Variants in MEGF11 observed in about 807,000 individuals in gnomAD.
MEGF11 encodes multiple epidermal growth factor-like domains protein 11.
In MEGF11, 126 loss-of-function variants were observed where a neutral mutation model predicts 146.6. The observed-to-expected ratio is 0.86, with a 90% CI of 0.74 to 1.00. MEGF11 has a LOEUF of 1.00. MEGF11 is among the 50% of genes least tolerant of loss of function. The pLI, the probability that MEGF11 is intolerant of heterozygous loss-of-function variation, is 0.00. For missense variants in MEGF11, 1,509 were observed against 1,521.2 expected (o/e 0.99, Z 0.13); for synonymous variants, 532 against 583.4 (o/e 0.91, Z 1.27).
At chr15:66,243,452 A>G (rs1358229028) in intron 1 of MEGF11, among the ~76,000 whole-genome samples, 1 of 152,170 alleles carries the variant, frequency 6.6e-6, no homozygotes, top group African/African-American at 2.4e-5. Context: ...CTCTCCATCC[A>G]TTTGGTAACT....
intron 4 of MEGF11, among the ~76,000 whole-genome samples, chr15:66,111,321 C>G (rs1210997861): frequency 1.3e-5 from 2 of 152,210 alleles, no homozygotes; most frequent in African/African-American, 4.8e-5. Context: ...AGCCCCCATT[C>G]CACTTCTCTC....
chr15:66,212,351 C>T (rs1019050177), intron 1 of MEGF11, among the ~76,000 whole-genome samples: 3 of 152,194 alleles, frequency 2.0e-5, no homozygotes, highest in East Asian at 1.9e-4. Context: ...ATCATCTCTC[C>T]GCCCTCTGGA....
chr15:66,107,592 A>C (rs942172483), intron 4 of MEGF11, among the ~76,000 whole-genome samples: 2 of 152,158 alleles, frequency 1.3e-5, no homozygotes, highest in Admixed American at 1.3e-4. Flanking sequence ...GACTCTTCAC[A>C]CACATGGGAC....
At position 66,001,661 on chromosome 15, in the gene MEGF11, T is replaced by C. The variant is rs534896005; in HGVS notation, c.395-19173A>G. Among the ~76,000 whole-genome samples, 5 of 151,880 alleles carry C rather than the reference T, an allele frequency of 3.3e-5. No homozygotes were observed. In the South Asian group the frequency reaches 8.4e-4, roughly 25 times the overall value. On this transcript the variant is annotated intron_variant, in intron 5 of 25. Coordinates refer to ENST00000395614, the MANE Select transcript of MEGF11 (RefSeq NM_001385028.1). ...CTTTCTTTCTCTCTCATCTCCCCTCTCAATGGCTGGGTCCTGAAGAGGTGG... is the reference window on the plus strand; with the variant it reads ...CTTTCTTTCTCTCTCATCTCCCCTCCCAATGGCTGGGTCCTGAAGAGGTGG...
chr15:66,196,821 G>GA (rs906627044), intron 1 of MEGF11, among the ~76,000 whole-genome samples: 2 of 152,292 alleles, frequency 1.3e-5, no homozygotes, highest in Admixed American at 1.3e-4. Context: ...AAAGAAACAT[G>GA]ACTGGTCAAA....
chr15:66,232,758 C>T (rs1221658391), intron 1 of MEGF11, among the ~76,000 whole-genome samples: 2 of 152,100 alleles, frequency 1.3e-5, no homozygotes, highest in African/African-American at 4.8e-5. Context: ...GGAGTTTTAT[C>T]GAGGCCTACC....
intron 5 of MEGF11, among the ~76,000 whole-genome samples, chr15:66,054,688 T>G (rs544154705): frequency 3.9e-4 from 59 of 152,278 alleles, no homozygotes; most frequent in Middle Eastern, 3.4e-3. Flanking sequence ...GATAATGGAA[T>G]TAGGGCCTTA....
chr15:66,041,215 C>T (rs1350467643), intron 5 of MEGF11, among the ~76,000 whole-genome samples: 7 of 152,152 alleles, frequency 4.6e-5, no homozygotes, highest in Admixed American at 2.6e-4. Context: ...GCTCTGGGCA[C>T]GGAACAGGTC....
intron 13 of MEGF11, among the ~76,000 whole-genome samples, chr15:65,927,737 G>A (rs1309231962): frequency 1.3e-5 from 2 of 152,214 alleles, no homozygotes; most frequent in Non-Finnish European, 2.9e-5. Flanking sequence ...TCCTGAAGAA[G>A]TAGACTGCAG....
intron 4 of MEGF11, among the ~76,000 whole-genome samples, chr15:66,109,750 G>A (rs951133606): frequency 7.2e-5 from 11 of 152,206 alleles, no homozygotes; most frequent in African/African-American, 2.7e-4. Context: ...TCACCTCCCT[G>A]AAGGGGTCTT....
chr15:65,955,777 T>TAGATAG, intron 10 of MEGF11, among the ~76,000 whole-genome samples: 1 of 10,496 alleles, frequency 9.5e-5, no homozygotes, highest in South Asian at 8.3e-3. Context: ...TATATATATA[T>TAGATAG]ATATATATAT....
chr15:66,223,122 G>A (rs908635935), intron 1 of MEGF11, among the ~76,000 whole-genome samples: 7 of 152,258 alleles, frequency 4.6e-5, no homozygotes, highest in African/African-American at 1.4e-4. Context: ...TAAATAAAAC[G>A]TGCTATATTC....
At chr15:66,161,241 G>A (rs1362822632) in intron 1 of MEGF11, among the ~76,000 whole-genome samples, 6 of 152,186 alleles carry the variant, frequency 3.9e-5, no homozygotes, top group East Asian at 1.9e-4. Flanking sequence ...ACATAATAGC[G>A]ATGAATGTAA....
chr15:66,035,997 A>G (rs1222816209), intron 5 of MEGF11, among the ~76,000 whole-genome samples: 1 of 152,210 alleles, frequency 6.6e-6, no homozygotes, highest in Non-Finnish European at 1.5e-5. Context: ...GCACCCCGCC[A>G]GTGGCCCCAC....
intron 22 of MEGF11, 77 bp downstream of exon 22, chr15:65,909,663 A>T: frequency 7.1e-7 from 1 of 1,412,504 alleles, no homozygotes; most frequent in Admixed American, 2.0e-5. Flanking sequence ...CTGTCCCTTC[A>T]AGCTGGGTGC....
intron 1 of MEGF11, among the ~76,000 whole-genome samples, chr15:66,245,157 G>A (rs141197399): frequency 4.0e-4 from 61 of 152,284 alleles, no homozygotes; most frequent in Non-Finnish European, 6.2e-4. Context: ...TAAACACAGG[G>A]AAAGACAGAA....
intron 1 of MEGF11, among the ~76,000 whole-genome samples, chr15:66,129,352 G>A (rs1454253573): frequency 6.6e-6 from 1 of 152,242 alleles, no homozygotes; most frequent in African/African-American, 2.4e-5. Context: ...GTGCAGAGGA[G>A]CTGGAAATCA....
At chr15:66,093,292 G>A (rs2086397532) in intron 5 of MEGF11, among the ~76,000 whole-genome samples, 1 of 152,130 alleles carries the variant, frequency 6.6e-6, no homozygotes, top group African/African-American at 2.4e-5. Context: ...CAAGGCCTTT[G>A]GGAAAACAAA....
chr15:66,225,328 C>T (rs1567290609), intron 1 of MEGF11, among the ~76,000 whole-genome samples: 1 of 152,196 alleles, frequency 6.6e-6, no homozygotes, highest in Non-Finnish European at 1.5e-5. Flanking sequence ...ACCCACACTC[C>T]ATTTTGCCTA....
Sources: gnomAD v4.1 joint callset for allele counts (sites outside exome capture counted in the v4.1 genomes callset) on GRCh38, gnomAD v4.1.1 for gene constraint, MANE v1.5 for transcripts, NCBI Gene and HGNC (gene_info 2026-07-23, HGNC 2026-07-21) for gene names.